Variants in GNAQ observed in about 807,000 individuals in gnomAD.
GNAQ encodes the protein guanine nucleotide-binding protein G(q) subunit alpha.
GNAQ carries 8 observed loss-of-function variants against 43.9 expected under a neutral mutation model. That is an observed-to-expected ratio of 0.18 (90% CI 0.11 to 0.33). The LOEUF is 0.33. GNAQ is among the 10% of genes least tolerant of loss of function. The pLI is 1.00. For synonymous variants in GNAQ, 155 were observed against 170.7 expected (o/e 0.91, Z 0.71); for missense variants, 158 against 450.8 (o/e 0.35, Z 5.88).
chr9:77,975,744 T>G (rs1487179189), intron 1 of GNAQ, among the ~76,000 whole-genome samples: 2 of 149,514 alleles, frequency 1.3e-5, no homozygotes, highest in Non-Finnish European at 3.0e-5. Context: ...TTCACCATGT[T>G]GGCCAGGATG....
intron 1 of GNAQ, among the ~76,000 whole-genome samples, chr9:77,924,350 AG>A (rs1829038979): frequency 6.6e-6 from 1 of 152,206 alleles, no homozygotes; most frequent in African/African-American, 2.4e-5. Context: ...AGCAATTAAA[AG>A]TATACAAGAC....
In GNAQ at chr9:78,031,326, G is replaced by A. The variant is rs1824056969; in HGVS notation, c.-91C>T. On this transcript the variant is annotated 5_prime_UTR_variant, in exon 1 of 7. Transcript: ENST00000286548. ...CCCGCCCTCGCTCCCCCGAGGCAGC[G>A]GTGGCCGCCGAGCCCCCGCCGCCCG... 2.8e-6 allele frequency: 3 copies of A among 1,071,924 alleles called. No homozygotes were observed. Among genetic ancestry groups the A allele is most frequent in the African/African-American group, 1.7e-5 (1 of 60,506 alleles). 66.4% of individuals were successfully genotyped at this position (1,071,924 alleles called of 1,614,324 possible).
intron 1 of GNAQ, among the ~76,000 whole-genome samples, chr9:77,948,537 G>A (rs1204049556): frequency 2.6e-5 from 4 of 152,148 alleles, no homozygotes; most frequent in Non-Finnish European, 4.4e-5. Context: ...ATGACTGTGG[G>A]GTCCAGCCAG....
intron 1 of GNAQ, among the ~76,000 whole-genome samples, chr9:78,025,626 A>C (rs1587467272): frequency 6.6e-6 from 1 of 152,306 alleles, no homozygotes; most frequent in East Asian, 1.9e-4. Context: ...TCCTCAACCC[A>C]ATACAGAGGA....
chr9:77,846,373 T>C (rs1827585394), intron 2 of GNAQ, among the ~76,000 whole-genome samples: 2 of 152,176 alleles, frequency 1.3e-5, no homozygotes, highest in South Asian at 2.1e-4. Context: ...GCCTGCTCCA[T>C]TCACCTGCAC....
At chr9:78,021,379 CAGA>C (rs1275978159) in intron 1 of GNAQ, among the ~76,000 whole-genome samples, 1 of 152,108 alleles carries the variant, frequency 6.6e-6, no homozygotes, top group Non-Finnish European at 1.5e-5. Context: ...GAGAATGGCT[CAGA>C]GGCCACAGCA....
intron 3 of GNAQ, among the ~76,000 whole-genome samples, chr9:77,813,528 T>C (rs1216516845): frequency 5.3e-5 from 8 of 152,184 alleles, no homozygotes; most frequent in African/African-American, 1.4e-4. Context: ...AATGGGTCCA[T>C]GTCTAGAAAT....
intron 6 of GNAQ, among the ~76,000 whole-genome samples, chr9:77,726,821 G>A (rs1014526161): frequency 2.0e-5 from 3 of 152,176 alleles, no homozygotes; most frequent in Non-Finnish European, 4.4e-5. Context: ...GACAGTGAGT[G>A]GCAAAGTGGA....
At chr9:78,008,319 G>A (rs1328709683) in intron 1 of GNAQ, among the ~76,000 whole-genome samples, 2 of 152,180 alleles carry the variant, frequency 1.3e-5, no homozygotes, top group African/African-American at 4.8e-5. Flanking sequence ...GTGAAGAAGG[G>A]CCTTTCATCT....
At chr9:77,767,438 G>A (rs1451229828) in intron 5 of GNAQ, among the ~76,000 whole-genome samples, 1 of 152,052 alleles carries the variant, frequency 6.6e-6, no homozygotes, top group Admixed American at 6.6e-5. Flanking sequence ...CATGTGGGTG[G>A]GCAGTCAGCT....
At chr9:77,819,781 G>GA (rs5898560) in intron 2 of GNAQ, among the ~76,000 whole-genome samples, 75,922 of 140,802 alleles carry the variant, frequency 0.54, 20,536 homozygotes, top group Non-Finnish European at 0.61. Context: ...ATGGACTGTG[G>GA]AAAAAAAAAA....
intron 1 of GNAQ, among the ~76,000 whole-genome samples, chr9:77,923,446 T>A (rs1174911616): frequency 6.6e-6 from 1 of 152,198 alleles, no homozygotes; most frequent in Non-Finnish European, 1.5e-5. Flanking sequence ...TATATGTCCC[T>A]GGGAAGAAGA....
intron 3 of GNAQ, among the ~76,000 whole-genome samples, chr9:77,806,790 G>A (rs961979520): frequency 6.6e-6 from 1 of 152,194 alleles, no homozygotes; most frequent in Admixed American, 6.5e-5. Context: ...GGCTTAGGCT[G>A]AGCGTGAACT....
intron 3 of GNAQ, among the ~76,000 whole-genome samples, chr9:77,814,122 CAG>C (rs1265724914): frequency 6.6e-6 from 1 of 151,962 alleles, no homozygotes; most frequent in Non-Finnish European, 1.5e-5. Context: ...AACAGAAGGA[CAG>C]AGGGGGCAGG....
At chr9:77,915,644 G>T (rs907716780) in intron 2 of GNAQ, among the ~76,000 whole-genome samples, 1 of 151,884 alleles carries the variant, frequency 6.6e-6, no homozygotes, top group African/African-American at 2.4e-5. Flanking sequence ...TGAAGCTGGC[G>T]GGGGTGGGGG....
intron 2 of GNAQ, among the ~76,000 whole-genome samples, chr9:77,843,571 G>A (rs1478090237): frequency 6.6e-6 from 1 of 152,206 alleles, no homozygotes; most frequent in Non-Finnish European, 1.5e-5. Flanking sequence ...GCATGGGTGG[G>A]ATGGATGCTG....
intron 1 of GNAQ, among the ~76,000 whole-genome samples, chr9:78,004,314 C>T (rs1823679840): frequency 6.6e-6 from 1 of 151,844 alleles, no homozygotes; most frequent in Non-Finnish European, 1.5e-5. Flanking sequence ...TTAAATGCTC[C>T]AGCTACCTTA....
intron 2 of GNAQ, among the ~76,000 whole-genome samples, chr9:77,865,428 T>G (rs983962996): frequency 6.6e-6 from 1 of 152,232 alleles, no homozygotes; most frequent in Non-Finnish European, 1.5e-5. Context: ...TTAGGAAATT[T>G]CTGACTAGGT....
intron 5 of GNAQ, among the ~76,000 whole-genome samples, chr9:77,763,175 C>CAG (rs1826082300): frequency 6.7e-6 from 1 of 148,944 alleles, no homozygotes; most frequent in African/African-American, 2.5e-5. Context: ...AGGTAAGTGC[C>CAG]AGAGGCCCAG....
Sources: gnomAD v4.1 joint callset for allele counts (sites outside exome capture counted in the v4.1 genomes callset) on GRCh38, gnomAD v4.1.1 for gene constraint, MANE v1.5 for transcripts, NCBI Gene and HGNC (gene_info 2026-07-23, HGNC 2026-07-21) for gene names.